PKDREJ: variants seen among roughly 807,000 people sequenced by gnomAD.
PKDREJ encodes the protein polycystin family receptor for egg jelly, also known as PKD and REJ homolog.
For missense variants in PKDREJ, 2,507 were observed against 2,807.2 expected, an observed-to-expected ratio of 0.89 and a Z score of 2.42; for synonymous variants, 1,031 against 1,095.5, an observed-to-expected ratio of 0.94 and a Z score of 1.16.
rs1936689481 is a variant in PKDREJ, at chr22:46,260,932, G to A, written c.2391C>T (p.Arg797=). ...CGATTTCTATTTGTTCAGATCGAAA[G>A]CGTTTATCTTTTTGCTGATACTCTT... is the stretch of plus-strand genomic sequence containing the variant. The part of the protein sequence containing the change: ...ALQEYQQKDK[R]FRSEQIEIVS... Residue 797 remains arginine (R), a synonymous_variant, in exon 1 of 1, where the codon CGC becomes CGT. Coordinates refer to ENST00000253255, the MANE Select transcript of PKDREJ (RefSeq NM_006071.2). The surrounding 1 kb of genome is among the most constrained non-coding windows in gnomAD (Gnocchi z 4.5). 1 of 1,614,000 alleles carries A rather than the reference G, an allele frequency of 6.2e-7. No homozygotes were observed. Among genetic ancestry groups the A allele is most frequent in the Non-Finnish European group, 8.5e-7 (1 of 1,180,006 alleles).
In PKDREJ at chr22:46,262,987, G is replaced by C. The variant is rs993971483; in HGVS notation, c.336C>G (p.Leu112=). The C allele has an allele frequency of 1.6e-4, 174 of 1,074,164 alleles. No homozygotes were observed. The highest frequency in any genetic ancestry group is 2.3e-4 in the African/African-American group (4 of 17,536). 66.5% of individuals were successfully genotyped at this position (1,074,164 alleles called of 1,614,324 possible). A position where few individuals can be genotyped will look rare whatever the true frequency, so the allele number is the denominator to read the frequency against. ...LPWPAAPALA[L]VDLQLSARGG... The stretch of plus-strand genomic sequence containing the variant: ...CGCGCGCGGAGAGCTGCAGGTCGAC[G>C]AGCGCGAGCGCGGGCGCGGCCGGCC... The change falls in exon 1 of 1, where the codon CTC becomes CTG. Residue 112 remains leucine (L), a synonymous_variant. Transcript: ENST00000253255. This position sits in a 1 kb window ranked among gnomAD's most constrained non-coding sequence, Gnocchi z 8.1.
chr22:46,257,500 TC>T lies in PKDREJ; in HGVS notation c.5822del (p.Gly1941GlufsTer36), dbSNP rs1407057527. ...GCAGAGATATGCTTGTGTTGACAAC[TC>T]CTAACTGAGAGACTTCAAATATGAC... ...ISVIFEVSQL[G>X]VVNTSISLHS... On this transcript the variant is annotated frameshift_variant, in exon 1 of 1. Coordinates refer to ENST00000253255, the MANE Select transcript of PKDREJ (RefSeq NM_006071.2). LOFTEE classifies it low-confidence loss of function (END_TRUNC). The surrounding 1 kb of genome is among the most constrained non-coding windows in gnomAD (Gnocchi z 4.7). 6.2e-7 allele frequency: 1 copy of T among 1,613,982 alleles called. No individual in the cohort carries two copies. The highest frequency in any genetic ancestry group is 8.5e-7 in the Non-Finnish European group (1 of 1,180,038).
chr22:46,260,336 T>C lies in PKDREJ; in HGVS notation c.2987A>G (p.Glu996Gly). 2 of 1,614,162 alleles carry C rather than the reference T, an allele frequency of 1.2e-6. No homozygotes were observed. Among genetic ancestry groups the C allele is most frequent in the Non-Finnish European group, 1.7e-6 (2 of 1,180,036 alleles). ...TTCTGTTACTATGTGGACCAGAACC[T>C]CCCTAAGCACTGTGCTGTCCACTTG... ...SFQVDSTVLR[E>G]VLVHIVTEVM... Residue 996 changes from glutamate to glycine, a missense_variant, in exon 1 of 1, where the codon GAG becomes GGG. Coordinates refer to ENST00000253255, the MANE Select transcript of PKDREJ (RefSeq NM_006071.2). This position sits in a 1 kb window ranked among gnomAD's most constrained non-coding sequence, Gnocchi z 4.5.
rs1357612183 is a variant in PKDREJ at position 46,257,636 on chromosome 22, A to G, written c.5687T>C (p.Leu1896Pro). 4 of 1,614,058 alleles carry G rather than the reference A, an allele frequency of 2.5e-6. No homozygotes were observed. In the African/African-American group the frequency reaches 5.3e-5, roughly 22 times the overall value. The change falls in exon 1 of 1, where the codon CTG becomes CCG. Residue 1896 changes from leucine to proline, a missense_variant. By Grantham distance (98) the Leu-to-Pro change is moderately conservative. Coordinates refer to ENST00000253255, the MANE Select transcript of PKDREJ (RefSeq NM_006071.2). This position sits in a 1 kb window ranked among gnomAD's most constrained non-coding sequence, Gnocchi z 4.7. ...GCTTTCTTGAAGTTCTTTGAGCCTCAGTGTGGAATTAAACCGCTGCTGTTC... is the reference window on the plus strand; with the variant it reads ...GCTTTCTTGAAGTTCTTTGAGCCTCGGTGTGGAATTAAACCGCTGCTGTTC... Reference protein sequence around the residue: ...FPEQQRFNSTLRLKELQESNW... With the variant: ...FPEQQRFNSTPRLKELQESNW...
chr22:46,260,479 A>G lies in PKDREJ; in HGVS notation c.2844T>C (p.Asp948=). Residue 948 remains aspartate, a synonymous_variant, in exon 1 of 1, where the codon GAT becomes GAC. Transcript: ENST00000253255. This position sits in a 1 kb window ranked among gnomAD's most constrained non-coding sequence, Gnocchi z 4.5. ...DNGSVLEITP[D]VAEVYLVRKN... is the part of the protein sequence containing the mutation. ...TCCTGACAAGGTACACTTCCGCTACATCAGGTGTGATCTCTAGCACACTAC... is the reference window on the plus strand; with the variant it reads ...TCCTGACAAGGTACACTTCCGCTACGTCAGGTGTGATCTCTAGCACACTAC... 3.1e-6 allele frequency: 5 copies of G among 1,614,202 alleles called. No individual in the cohort carries two copies. Among genetic ancestry groups the G allele is most frequent in the Non-Finnish European group, 4.2e-6 (5 of 1,180,042 alleles).
Position 46,258,319 on chromosome 22 carries a change from T to G in PKDREJ, c.5004A>C (p.Glu1668Asp), listed in dbSNP as rs930475187. 1 of 1,614,226 alleles carries G rather than the reference T, an allele frequency of 6.2e-7. No homozygotes were observed. The highest frequency in any genetic ancestry group is 8.5e-7 in the Non-Finnish European group (1 of 1,180,030). The change falls in exon 1 of 1, where the codon GAA becomes GAC. Residue 1668 changes from glutamate to aspartate, a missense_variant. By Grantham distance (45) the Glu-to-Asp change is conservative. Coordinates refer to ENST00000253255, the MANE Select transcript of PKDREJ (RefSeq NM_006071.2). The surrounding 1 kb of genome is among the most constrained non-coding windows in gnomAD (Gnocchi z 6.1). Reference sequence around the variant, plus strand: ...TCTGGTCATGTATCCTCTGCATTTCTTCTGGATGCATACGCATTCCATCCA... The same window carrying G: ...TCTGGTCATGTATCCTCTGCATTTCGTCTGGATGCATACGCATTCCATCCA... The part of the protein sequence containing the change: ...IRLDGMRMHP[E>D]EMQRIHDQIV...
In PKDREJ at chr22:46,262,306, C is replaced by T. The variant is rs1936705943; in HGVS notation, c.1017G>A (p.Val339=). The T allele has an allele frequency of 6.2e-7, 1 of 1,614,086 alleles. No homozygotes were observed. The highest frequency in any genetic ancestry group is 8.5e-7 in the Non-Finnish European group (1 of 1,180,050). ...CTGTTATGTTGGCATCGCCAAGCATCACCGCCTGCAGGGAACTCCTGACGA... is the reference window on the plus strand; with the variant it reads ...CTGTTATGTTGGCATCGCCAAGCATTACCGCCTGCAGGGAACTCCTGACGA... ...VWIVRSSLQA[V]MLGDANITAN... The change falls in exon 1 of 1, where the codon GTG becomes GTA. Residue 339 remains valine (V), a synonymous_variant. Transcript: ENST00000253255. The surrounding 1 kb of genome is among the most constrained non-coding windows in gnomAD (Gnocchi z 8.1).
rs769697021 is a variant in PKDREJ, at chr22:46,257,969, G to T, written c.5354C>A (p.Ser1785Ter). ...DLNPTFLPESSSKILGLPLMR... is the reference protein window; with the variant it reads ...DLNPTFLPES ...CAATGGAAGGCCAAGGATTTTAGACGAGCTTTCAGGAAGAAATGTTGGATT... is the reference window on the plus strand; with the variant it reads ...CAATGGAAGGCCAAGGATTTTAGACTAGCTTTCAGGAAGAAATGTTGGATT... Residue 1785 changes from serine to a stop codon, truncating the protein, a stop_gained, in exon 1 of 1, where the codon TCG becomes TAG. Transcript: ENST00000253255. LOFTEE classifies it low-confidence loss of function (END_TRUNC). The surrounding 1 kb of genome is among the most constrained non-coding windows in gnomAD (Gnocchi z 4.7). The T allele has an allele frequency of 1.2e-6, 2 of 1,614,012 alleles. No homozygotes were observed. Among genetic ancestry groups the T allele is most frequent in the South Asian group, 1.1e-5 (1 of 91,050 alleles).
In PKDREJ at chr22:46,258,428, A is replaced by G; in HGVS notation, c.4895T>C (p.Leu1632Pro). The G allele has an allele frequency of 6.2e-7, 1 of 1,614,174 alleles. No homozygotes were observed. Among genetic ancestry groups the G allele is most frequent in the Non-Finnish European group, 8.5e-7 (1 of 1,180,038 alleles). Residue 1632 changes from leucine to proline, a missense_variant, in exon 1 of 1, where the codon CTC becomes CCC. Transcript: ENST00000253255. The surrounding 1 kb of genome is among the most constrained non-coding windows in gnomAD (Gnocchi z 6.1). The stretch of plus-strand genomic sequence containing the variant: ...TTTATTCGTTCTGAAGCCTGACAGG[A>G]GTATAATTTTAGATGGCTGCACCAG... ...VLLVQPSKII[L>P]LSGFRTNKPK...
At position 46,263,027 on chromosome 22, in the gene PKDREJ, G is replaced by T; in HGVS notation, c.296C>A (p.Ala99Asp). ...YCLDLRVLLS[A>D]QRLPWPAAPA... is the part of the protein sequence containing the mutation. ...CGCGGCCGGCCAGGGCAGGCGTTGGGCGCTGAGCAGGACGCGCAAGTCGAG... is the reference window on the plus strand; with the variant it reads ...CGCGGCCGGCCAGGGCAGGCGTTGGTCGCTGAGCAGGACGCGCAAGTCGAG... The change falls in exon 1 of 1, where the codon GCC (alanine) becomes GAC (aspartate). Residue 99 changes from alanine to aspartate, a missense_variant. Physicochemically the swap from Ala to Asp is moderately radical, Grantham distance 126 (BLOSUM62 -2). Transcript: ENST00000253255. This position sits in a 1 kb window ranked among gnomAD's most constrained non-coding sequence, Gnocchi z 9.4. 1 of 1,314,374 alleles carries T rather than the reference G, an allele frequency of 7.6e-7. No homozygotes were observed. Among genetic ancestry groups the T allele is most frequent in the South Asian group, 1.6e-5 (1 of 63,726 alleles). The allele number at this position is 1,314,374 out of a possible 1,614,324, so 81.4% of individuals were successfully genotyped here.
Position 46,261,669 on chromosome 22 carries a change from TG to T in PKDREJ, c.1653del (p.Phe551LeufsTer48). 6.2e-7 allele frequency: 1 copy of T among 1,614,064 alleles called. No homozygotes were observed. Among genetic ancestry groups the T allele is most frequent in the Non-Finnish European group, 8.5e-7 (1 of 1,179,986 alleles). On this transcript the variant is annotated frameshift_variant, in exon 1 of 1. Coordinates refer to ENST00000253255, the MANE Select transcript of PKDREJ (RefSeq NM_006071.2). LOFTEE classifies it low-confidence loss of function (END_TRUNC). This position sits in a 1 kb window ranked among gnomAD's most constrained non-coding sequence, Gnocchi z 7.1. Reference protein sequence around the residue: ...LACWSGVTSVFRHSFIINHGP... With the variant: ...LACWSGVTSVXRHSFIINHGP... ...CCATGGTTAATAATAAAAGAATGCCTGAAGACCGAGGTCACTCCACTCCAAC... is the reference window on the plus strand; with the variant it reads ...CCATGGTTAATAATAAAAGAATGCCTAAGACCGAGGTCACTCCACTCCAAC...
Position 46,258,402 on chromosome 22 carries a change from G to A in PKDREJ, c.4921C>T (p.Pro1641Ser). 1 of 1,614,072 alleles carries A rather than the reference G, an allele frequency of 6.2e-7. No individual in the cohort carries two copies. The highest frequency in any genetic ancestry group is 1.7e-5 in the Admixed American group (1 of 60,024). The change falls in exon 1 of 1, where the codon CCC becomes TCC. Residue 1641 changes from proline (P) to serine (S), a missense_variant. Transcript: ENST00000253255. This position sits in a 1 kb window ranked among gnomAD's most constrained non-coding sequence, Gnocchi z 6.1. ...CATGAAAGGTTTTTGCAATACTTGG[G>A]TTTATTCGTTCTGAAGCCTGACAGG... ...ILLSGFRTNK[P>S]KYCKNLSWST...
chr22:46,257,481 A>G lies in PKDREJ; in HGVS notation c.5842T>C (p.Ser1948Pro). 1.9e-6 allele frequency: 3 copies of G among 1,614,124 alleles called. No individual in the cohort carries two copies. Among genetic ancestry groups the G allele is most frequent in the Non-Finnish European group, 2.5e-6 (3 of 1,180,040 alleles). ...TCAGCAAGTGAAAAAGAGTGCAGAGATATGCTTGTGTTGACAACTCCTAAC... is the reference window on the plus strand; with the variant it reads ...TCAGCAAGTGAAAAAGAGTGCAGAGGTATGCTTGTGTTGACAACTCCTAAC... ...SQLGVVNTSI[S>P]LHSFSLADFD... The change falls in exon 1 of 1, where the codon TCT becomes CCT. Residue 1948 changes from serine to proline, a missense_variant. Transcript: ENST00000253255. This position sits in a 1 kb window ranked among gnomAD's most constrained non-coding sequence, Gnocchi z 4.7.
rs766651116 is a variant in PKDREJ, at chr22:46,262,645, C to T, written c.678G>A (p.Gln226=). The T allele has an allele frequency of 1.4e-5, 22 of 1,613,186 alleles. No individual in the cohort carries two copies. Among genetic ancestry groups the T allele is most frequent in the Non-Finnish European group, 1.8e-5 (21 of 1,179,736 alleles). ...VIQRVRINTD[Q]KGAPVRLSMQ... Reference sequence around the variant, plus strand: ...TGCTCAGGCGCACGGGGGCGCCCTTCTGGTCCGTGTTGATCCTCACGCGCT... The same window carrying T: ...TGCTCAGGCGCACGGGGGCGCCCTTTTGGTCCGTGTTGATCCTCACGCGCT... Residue 226 remains glutamine (Q), a synonymous_variant, in exon 1 of 1, where the codon CAG becomes CAA. Transcript: ENST00000253255. The surrounding 1 kb of genome is among the most constrained non-coding windows in gnomAD (Gnocchi z 8.1).
In PKDREJ at chr22:46,262,238, G is replaced by C. The variant is rs745703603; in HGVS notation, c.1085C>G (p.Ser362Trp). 6.2e-7 allele frequency: 1 copy of C among 1,614,160 alleles called. No individual in the cohort carries two copies. Among genetic ancestry groups the C allele is most frequent in the South Asian group, 1.1e-5 (1 of 91,080 alleles). Residue 362 changes from serine to tryptophan, a missense_variant, in exon 1 of 1, where the codon TCG becomes TGG. By Grantham distance (177) the Ser-to-Trp change is radical. Coordinates refer to ENST00000253255, the MANE Select transcript of PKDREJ (RefSeq NM_006071.2). The surrounding 1 kb of genome is among the most constrained non-coding windows in gnomAD (Gnocchi z 8.1). ...EQLILDGSTSSDPDADSPLQG... is the reference protein window; with the variant it reads ...EQLILDGSTSWDPDADSPLQG... ...TAACGGGCTGTCCGCATCTGGGTCC[G>C]AGGACGTGGACCCGTCCAGAATCAG...
In PKDREJ at chr22:46,263,257, C is replaced by A. The variant is rs1601857232; in HGVS notation, c.66G>T (p.Pro22=). 8 of 1,468,032 alleles carry A rather than the reference C, an allele frequency of 5.4e-6. No individual in the cohort carries two copies. Among genetic ancestry groups the A allele is most frequent in the Non-Finnish European group, 7.2e-6 (8 of 1,117,584 alleles). 90.9% of individuals were successfully genotyped at this position (1,468,032 alleles called of 1,614,324 possible). A position where few individuals can be genotyped will look rare whatever the true frequency, so the allele number is the denominator to read the frequency against. Residue 22 remains proline (P), a synonymous_variant, in exon 1 of 1, where the codon CCG becomes CCT. Coordinates refer to ENST00000253255, the MANE Select transcript of PKDREJ (RefSeq NM_006071.2). This position sits in a 1 kb window ranked among gnomAD's most constrained non-coding sequence, Gnocchi z 9.4. The part of the protein sequence containing the change: ...VGLSLSVGRL[P]LPPVPRGAQA... ...GTGCCCCGCGAGGAACCGGCGGCAG[C>A]GGGAGGCGGCCGACGCTCAGGCTCA...
Position 46,261,457 on chromosome 22 carries a change from G to A in PKDREJ, c.1866C>T (p.Tyr622=), listed in dbSNP as rs1243582493. Residue 622 remains tyrosine (Y), a synonymous_variant, in exon 1 of 1, where the codon TAC becomes TAT. Transcript: ENST00000253255. This position sits in a 1 kb window ranked among gnomAD's most constrained non-coding sequence, Gnocchi z 7.1. ...VKENTLGTIL[Y]LGPQSTVPPS... ...GGGGTACTGTGGACTGAGGCCCCAA[G>A]TACAGGATGGTCCCCAGGGTGTTCT... The A allele has an allele frequency of 1.2e-6, 2 of 1,614,140 alleles. No homozygotes were observed. Among genetic ancestry groups the A allele is most frequent in the Non-Finnish European group, 1.7e-6 (2 of 1,180,004 alleles).
chr22:46,258,297 G>A lies in PKDREJ; in HGVS notation c.5026C>T (p.Gln1676Ter), dbSNP rs1037446073. Residue 1676 changes from glutamine to a stop codon, truncating the protein, a stop_gained, in exon 1 of 1, where the codon CAG becomes TAG. Coordinates refer to ENST00000253255, the MANE Select transcript of PKDREJ (RefSeq NM_006071.2). LOFTEE classifies it low-confidence loss of function (END_TRUNC). This position sits in a 1 kb window ranked among gnomAD's most constrained non-coding sequence, Gnocchi z 6.1. Reference protein sequence around the residue: ...HPEEMQRIHDQIVRIRGTRMY... With the variant: ...HPEEMQRIHD ...CTCGTGCCTCGGATTCGGACGATCT[G>A]GTCATGTATCCTCTGCATTTCTTCT... 3.7e-6 allele frequency: 6 copies of A among 1,614,132 alleles called. No individual in the cohort carries two copies. The highest frequency in any genetic ancestry group is 5.1e-6 in the Non-Finnish European group (6 of 1,180,016).
Position 46,260,828 on chromosome 22 carries a change from T to G in PKDREJ, c.2495A>C (p.Tyr832Ser). 6.2e-7 allele frequency: 1 copy of G among 1,614,122 alleles called. No homozygotes were observed. Among genetic ancestry groups the G allele is most frequent in the Non-Finnish European group, 8.5e-7 (1 of 1,179,982 alleles). ...TGTGTCTGATAGAGATTCTATTACA[T>G]AGAAAGGATCTTTAACTACTTGGTG... is the stretch of plus-strand genomic sequence containing the variant. ...SPHQVVKDPF[Y>S]VIESLSDTIL... The change falls in exon 1 of 1, where the codon TAT becomes TCT. Residue 832 changes from tyrosine to serine, a missense_variant. Coordinates refer to ENST00000253255, the MANE Select transcript of PKDREJ (RefSeq NM_006071.2). The surrounding 1 kb of genome is among the most constrained non-coding windows in gnomAD (Gnocchi z 4.5).
Sources: allele counts gnomAD v4.1 joint callset, GRCh38; gene constraint gnomAD v4.1.1; non-coding constraint Gnocchi (gnomAD v3.1); transcripts MANE v1.5; gene names NCBI Gene and HGNC (gene_info 2026-07-23, HGNC 2026-07-21).